TMTC2: variants seen among roughly 807,000 people sequenced by gnomAD.
TMTC2 encodes the protein protein O-mannosyl-transferase TMTC2.
In TMTC2, 43 loss-of-function variants were observed where a neutral mutation model predicts 82.4. That is an observed-to-expected ratio of 0.52 (90% CI 0.41 to 0.67). The LOEUF is 0.67. Ranked by LOEUF, TMTC2 falls within the 30% of genes least tolerant of loss-of-function variation. The probability of loss-of-function intolerance (pLI) is 0.00; values close to 1 mark genes in which losing one functional copy is unlikely to be tolerated. For missense variants in TMTC2, 919 were observed against 1,012.4 expected, an observed-to-expected ratio of 0.91 and a Z score of 1.25; for synonymous variants, 408 against 381.9, an observed-to-expected ratio of 1.07 and a Z score of -0.80.
At position 83,080,360 on chromosome 12, in the gene TMTC2, C is replaced by T. The variant is rs1210025686; in HGVS notation, c.2331+18529C>T. Among the ~76,000 whole-genome samples the T allele has an allele frequency of 2.6e-5, 4 of 151,988 alleles. No individual in the cohort carries two copies. In the South Asian group the frequency reaches 6.2e-4, roughly 24 times the overall value. ...TGTATTTAAACCACTACTACAGATT[C>T]ACCTTTCTCTCTCTCTCTCTCTCTC... On this transcript the variant is annotated intron_variant, in intron 11 of 11. Transcript: ENST00000321196.
In TMTC2 at chr12:83,050,962, A is replaced by C. The variant is rs1251762681; in HGVS notation, c.2211A>C (p.Ala737=). The change falls in exon 10 of 12, where the codon GCA becomes GCC. Residue 737 remains alanine (A), a synonymous_variant. Coordinates refer to ENST00000321196, the MANE Select transcript of TMTC2 (RefSeq NM_152588.3). ...AAGCAGCTGAGATGGCAAAAAAAGC[A>C]GCTGAACTAGACAGCACAGAGTTTG... The part of the protein sequence containing the change: ...LIEAAEMAKK[A]AELDSTEFDV... 2 of 1,613,560 alleles carry C rather than the reference A, an allele frequency of 1.2e-6. No individual in the cohort carries two copies. Among genetic ancestry groups the C allele is most frequent in the Non-Finnish European group, 1.7e-6 (2 of 1,179,642 alleles).
At chr12:83,113,108 G>T (rs1433374116) in intron 11 of TMTC2, among the ~76,000 whole-genome samples, 1 of 152,156 alleles carries the variant, frequency 6.6e-6, no homozygotes, top group African/African-American at 2.4e-5. Flanking sequence ...AGTTGATTGG[G>T]CTCTAGGTCT....
At chr12:83,018,390 C>T (rs1047459544) in intron 8 of TMTC2, among the ~76,000 whole-genome samples, 5 of 152,206 alleles carry the variant, frequency 3.3e-5, no homozygotes, top group Admixed American at 2.0e-4. Flanking sequence ...TAGCACTTCT[C>T]ATGCTATCGC....
chr12:82,965,520 ATCATC>A, intron 5 of TMTC2, 35 bp from the exon 6 acceptor site: 1 of 1,602,298 alleles, frequency 6.2e-7, no homozygotes. Context: ...TCAAGTGTAT[ATCATC>A]TTCTCACACT....
At chr12:82,992,515 T>C (rs1355169350) in intron 8 of TMTC2, among the ~76,000 whole-genome samples, 1 of 152,238 alleles carries the variant, frequency 6.6e-6, no homozygotes, top group Non-Finnish European at 1.5e-5. Flanking sequence ...TATATCATGC[T>C]ACTGAAATAT....
chr12:82,995,875 T>C (rs1879595553), intron 8 of TMTC2, among the ~76,000 whole-genome samples: 1 of 152,210 alleles, frequency 6.6e-6, no homozygotes, highest in South Asian at 2.1e-4. Flanking sequence ...TGGCTCAAGC[T>C]GTCCTCCTTC....
At chr12:82,698,676 T>C (rs1872927551) in intron 1 of TMTC2, among the ~76,000 whole-genome samples, 1 of 152,184 alleles carries the variant, frequency 6.6e-6, no homozygotes, top group Non-Finnish European at 1.5e-5. Context: ...TAATTTATAA[T>C]ATAAAGTAGG....
At chr12:83,110,034 A>G (rs1037375863) in intron 11 of TMTC2, among the ~76,000 whole-genome samples, 4 of 152,196 alleles carry the variant, frequency 2.6e-5, no homozygotes, top group Admixed American at 2.6e-4. Context: ...TTAAAGTTCT[A>G]GTATATCTTC....
chr12:83,121,670 G>A (rs1044379401), intron 11 of TMTC2, among the ~76,000 whole-genome samples: 2 of 152,094 alleles, frequency 1.3e-5, no homozygotes, highest in African/African-American at 2.4e-5. Flanking sequence ...AGCATAAGCT[G>A]TGGTAGTATG....
intron 8 of TMTC2, among the ~76,000 whole-genome samples, chr12:82,996,348 G>T (rs775687917): frequency 6.6e-6 from 1 of 152,162 alleles, no homozygotes; most frequent in Non-Finnish European, 1.5e-5. Flanking sequence ...CCTTTATCTG[G>T]TAAACATTTA....
At chr12:83,011,987 C>T in intron 8 of TMTC2, among the ~76,000 whole-genome samples, 1 of 152,060 alleles carries the variant, frequency 6.6e-6, no homozygotes, top group East Asian at 1.9e-4. Flanking sequence ...AGGATTGGCC[C>T]AATTCACATG....
At chr12:82,801,607 A>G (rs910836027) in intron 1 of TMTC2, among the ~76,000 whole-genome samples, 2 of 152,160 alleles carry the variant, frequency 1.3e-5, no homozygotes, top group African/African-American at 2.4e-5. Context: ...AGCTAGACAT[A>G]AAGGTTCTCC....
chr12:82,961,789 G>T (rs1877950438), intron 4 of TMTC2, among the ~76,000 whole-genome samples: 1 of 152,072 alleles, frequency 6.6e-6, no homozygotes, highest in Non-Finnish European at 1.5e-5. Flanking sequence ...TACACCATTT[G>T]TTTTCTTATT....
Position 82,986,052 on chromosome 12 carries a change from T to TA in TMTC2, c.2070+8dup. On this transcript the variant is annotated splice_region_variant and intron_variant, in intron 8 of 11. Transcript: ENST00000321196. ...GGAAGCTGCTAGCTCTAACAGTGAGTAACCGCCTTCCTTGGTCTTTAAAAC... is the reference window on the plus strand; with the variant it reads ...GGAAGCTGCTAGCTCTAACAGTGAGTAAACCGCCTTCCTTGGTCTTTAAAAC... 1 of 1,613,940 alleles carries TA rather than the reference T, an allele frequency of 6.2e-7. No homozygotes were observed. Among genetic ancestry groups the TA allele is most frequent in the Non-Finnish European group, 8.5e-7 (1 of 1,179,874 alleles).
chr12:82,905,963 G>A (rs2733620), intron 3 of TMTC2, among the ~76,000 whole-genome samples: 38,642 of 150,468 alleles, frequency 0.26, 6,970 homozygotes, highest in African/African-American at 0.52. Flanking sequence ...AAAAAAAAGA[G>A]AAAGGAAAAA....
intron 1 of TMTC2, among the ~76,000 whole-genome samples, chr12:82,723,387 G>C (rs560467155): frequency 6.6e-6 from 1 of 152,232 alleles, no homozygotes; most frequent in Non-Finnish European, 1.5e-5. Context: ...TGAGAGTTAA[G>C]ATCTAATAAA....
At chr12:83,024,692 A>G (rs1289689949) in intron 8 of TMTC2, among the ~76,000 whole-genome samples, 3 of 152,216 alleles carry the variant, frequency 2.0e-5, no homozygotes, top group Admixed American at 1.3e-4. Flanking sequence ...TGCTGAAGGT[A>G]TAGGTAATCA....
chr12:82,777,742 C>T, intron 1 of TMTC2, among the ~76,000 whole-genome samples: 1 of 152,114 alleles, frequency 6.6e-6, no homozygotes, highest in East Asian at 1.9e-4. Context: ...CTTGGCTTTG[C>T]ATCTCTCTTT....
intron 1 of TMTC2, among the ~76,000 whole-genome samples, chr12:82,837,127 A>G (rs1870089539): frequency 6.6e-6 from 1 of 152,228 alleles, no homozygotes; most frequent in South Asian, 2.1e-4. Context: ...CCTCTCATTG[A>G]GATATGATTT....
Sources: allele counts gnomAD v4.1 joint callset (sites outside exome capture counted in the v4.1 genomes callset), GRCh38; gene constraint gnomAD v4.1.1; transcripts MANE v1.5; gene names NCBI Gene and HGNC (gene_info 2026-07-23, HGNC 2026-07-21).